The following FBXL7 variants were observed in gnomAD, a reference collection of about 807,000 sequenced individuals.
FBXL7 encodes F-box and leucine rich repeat protein 7.
A neutral mutation model predicts 38.3 loss-of-function variants in FBXL7; 12 were observed. That is an observed-to-expected ratio of 0.31 (90% CI 0.20 to 0.51). The LOEUF is 0.51. Ranked by LOEUF, FBXL7 falls within the 20% of genes least tolerant of loss-of-function variation. The pLI, the probability that FBXL7 is intolerant of heterozygous loss-of-function variation, is 0.98. For missense variants in FBXL7, 567 were observed against 676.4 expected (o/e 0.84, Z 1.79); for synonymous variants, 297 against 300.9 (o/e 0.99, Z 0.13).
Position 15,786,961 on chromosome 5 carries a change from A to T in FBXL7, c.128-140929A>T, listed in dbSNP as rs2087417931. ...CCTAAATCCAGTGATGTGTGTCCTT[A>T]TGAGACCCACACAGAGGAGAAACAC... On this transcript the variant is annotated intron_variant, in intron 2 of 3. Transcript: ENST00000504595. Among the ~76,000 whole-genome samples the T allele has an allele frequency of 2.0e-5, 3 of 152,190 alleles. No homozygotes were observed. The South Asian group carries it at 6.2e-4, about 32-fold the overall frequency.
At chr5:15,861,157 C>G (rs1350752345) in intron 2 of FBXL7, among the ~76,000 whole-genome samples, 1 of 152,152 alleles carries the variant, frequency 6.6e-6, no homozygotes, top group African/African-American at 2.4e-5. Flanking sequence ...AGTACTGATA[C>G]CTAAAACTTG....
chr5:15,621,275 C>T (rs1740631715), intron 2 of FBXL7, among the ~76,000 whole-genome samples: 1 of 152,184 alleles, frequency 6.6e-6, no homozygotes, highest in Non-Finnish European at 1.5e-5. Flanking sequence ...TTCTAATTTC[C>T]TGACACTGTA....
At position 15,866,698 on chromosome 5, in the gene FBXL7, T is replaced by C. The variant is rs1739730532; in HGVS notation, c.128-61192T>C. ...CCCCAACAAGACCTGGCGTGTGTTGTTCCCCCTCTGTGTCCATGTGTTCTC... is the reference window on the plus strand; with the variant it reads ...CCCCAACAAGACCTGGCGTGTGTTGCTCCCCCTCTGTGTCCATGTGTTCTC... On this transcript the variant is annotated intron_variant, in intron 2 of 3. Transcript: ENST00000504595. Among the ~76,000 whole-genome samples, 3 of 134,140 alleles carry C rather than the reference T, an allele frequency of 2.2e-5. No homozygotes were observed. In the South Asian group the frequency reaches 8.3e-4, roughly 37 times the overall value. 88.0% of individuals were successfully genotyped at this position (134,140 alleles called of 152,430 possible).
At chr5:15,583,865 C>A (rs1739224425) in intron 1 of FBXL7, among the ~76,000 whole-genome samples, 1 of 152,198 alleles carries the variant, frequency 6.6e-6, no homozygotes, top group Non-Finnish European at 1.5e-5. Context: ...TTCAGACTGC[C>A]CTAGCAGAGG....
At chr5:15,690,372 G>A (rs1362474194) in intron 2 of FBXL7, among the ~76,000 whole-genome samples, 1 of 152,076 alleles carries the variant, frequency 6.6e-6, no homozygotes, top group Admixed American at 6.5e-5. Context: ...ATTTGTGAAA[G>A]CAGTCCTGAC....
rs141144588 is a variant in FBXL7 at position 15,554,686 on chromosome 5, C to G, written c.37+53973C>G. Among the ~76,000 whole-genome samples the G allele has an allele frequency of 9.2e-5, 14 of 152,264 alleles. 1 individual carries two copies. The East Asian group carries it at 2.5e-3, about 27-fold the overall frequency. On this transcript the variant is annotated intron_variant, in intron 1 of 3. Transcript: ENST00000504595. ...GGTGGGTCAGAATCAGCATTTCTAC[C>G]AGACCTCCAGCTGATCCATCTGCAT...
At chr5:15,665,980 A>C (rs762258992) in intron 2 of FBXL7, among the ~76,000 whole-genome samples, 6 of 152,256 alleles carry the variant, frequency 3.9e-5, no homozygotes, top group Non-Finnish European at 7.4e-5. Context: ...ATCTATACAA[A>C]GAGAATAATA....
intron 2 of FBXL7, among the ~76,000 whole-genome samples, chr5:15,731,370 A>G (rs1735579457): frequency 6.6e-6 from 1 of 152,042 alleles, no homozygotes; most frequent in Non-Finnish European, 1.5e-5. Context: ...AAGCTTGTGC[A>G]GAGAAACTCC....
intron 2 of FBXL7, among the ~76,000 whole-genome samples, chr5:15,634,694 C>G (rs978334455): frequency 6.6e-6 from 1 of 152,198 alleles, no homozygotes; most frequent in Non-Finnish European, 1.5e-5. Flanking sequence ...ACAAATCTGT[C>G]TGACAGTTCG....
At chr5:15,616,285 G>A (rs759049415) in intron 2 of FBXL7, among the ~76,000 whole-genome samples, 23 of 152,142 alleles carry the variant, frequency 1.5e-4, no homozygotes, top group Non-Finnish European at 2.5e-4. Flanking sequence ...GGATTCAGGT[G>A]CCTCAATTAT....
intron 1 of FBXL7, among the ~76,000 whole-genome samples, chr5:15,566,483 T>C (rs758308523): frequency 6.6e-6 from 1 of 152,124 alleles, no homozygotes; most frequent in Non-Finnish European, 1.5e-5. Context: ...TCAACTTGAG[T>C]AACTACCATG....
chr5:15,654,161 A>T (rs1054955031), intron 2 of FBXL7, among the ~76,000 whole-genome samples: 5 of 152,204 alleles, frequency 3.3e-5, no homozygotes, highest in Non-Finnish European at 7.4e-5. Context: ...TTCTTAAAGA[A>T]GGGTTTGCTT....
chr5:15,525,396 G>A (rs762049814), intron 1 of FBXL7, among the ~76,000 whole-genome samples: 4 of 152,104 alleles, frequency 2.6e-5, no homozygotes, highest in Admixed American at 6.5e-5. Flanking sequence ...CAATGGTTTC[G>A]TTTTATTGTG....
rs536460539 is a variant in FBXL7, at chr5:15,669,965, T to C, written c.127+53893T>C. Reference sequence around the variant, plus strand: ...GATGTGTCACTTCCGGGTGGAAGCTTTCAGAGACATCATTTGGTTTGTCTC... The same window carrying C: ...GATGTGTCACTTCCGGGTGGAAGCTCTCAGAGACATCATTTGGTTTGTCTC... On this transcript the variant is annotated intron_variant, in intron 2 of 3. Coordinates refer to ENST00000504595, the MANE Select transcript of FBXL7 (RefSeq NM_012304.5). 3.3e-5 allele frequency among the ~76,000 whole-genome samples: 5 copies of C among 152,270 alleles called. No individual in the cohort carries two copies. In the East Asian group the frequency reaches 9.7e-4, roughly 29 times the overall value.
At chr5:15,796,700 T>G (rs1167232817) in intron 2 of FBXL7, among the ~76,000 whole-genome samples, 2 of 152,158 alleles carry the variant, frequency 1.3e-5, no homozygotes, top group African/African-American at 4.8e-5. Context: ...TTACAGCACC[T>G]CAGCAGGGAG....
intron 2 of FBXL7, among the ~76,000 whole-genome samples, chr5:15,743,544 G>A (rs538095079): frequency 6.6e-6 from 1 of 152,336 alleles, no homozygotes; most frequent in African/African-American, 2.4e-5. Context: ...CCCCCTCCCA[G>A]CTGCTTTCAC....
chr5:15,777,738 A>AG (rs1171172777), intron 2 of FBXL7, among the ~76,000 whole-genome samples: 2 of 149,976 alleles, frequency 1.3e-5, no homozygotes, highest in Non-Finnish European at 3.0e-5. Context: ...AAAAAAAAAA[A>AG]AAAAAAAAGT....
At chr5:15,667,794 T>A (rs996081230) in intron 2 of FBXL7, among the ~76,000 whole-genome samples, 2 of 152,230 alleles carry the variant, frequency 1.3e-5, no homozygotes, top group African/African-American at 4.8e-5. Flanking sequence ...TCCTGAGATG[T>A]GCTCCATATT....
intron 1 of FBXL7, among the ~76,000 whole-genome samples, chr5:15,536,462 G>C (rs1012063054): frequency 2.0e-5 from 3 of 152,226 alleles, no homozygotes; most frequent in South Asian, 2.1e-4. Context: ...GGCCTTCAGA[G>C]CCCATATCTT....
Sources: gnomAD v4.1 joint callset for allele counts (sites outside exome capture counted in the v4.1 genomes callset) on GRCh38, gnomAD v4.1.1 for gene constraint, MANE v1.5 for transcripts, NCBI Gene and HGNC (gene_info 2026-07-23, HGNC 2026-07-21) for gene names.